PLPP7: variants seen among roughly 807,000 people sequenced by gnomAD.
The protein encoded by PLPP7 is inactive phospholipid phosphatase 7.
In PLPP7, 11 loss-of-function variants were observed where a neutral mutation model predicts 16.9. The ratio of observed to expected loss-of-function variants is 0.65; its 90% confidence interval spans 0.41 to 1.08. PLPP7 has a LOEUF of 1.08. PLPP7 is among the 50% of genes least tolerant of loss of function. PLPP7 has a pLI of 0.00. For synonymous variants in PLPP7, 174 were observed against 175.1 expected, an observed-to-expected ratio of 0.99 and a Z score of 0.05; for missense variants, 358 against 397.1, an observed-to-expected ratio of 0.90 and a Z score of 0.84.
At chr9:131,299,799 G>A (rs570185) in intron 1 of PLPP7, among the ~76,000 whole-genome samples, 101,877 of 152,084 alleles carry the variant, frequency 0.67, 34,996 homozygotes, top group Middle Eastern at 0.78. Flanking sequence ...CCTGACACAC[G>A]CCTGAAATAC....
intron 1 of PLPP7, among the ~76,000 whole-genome samples, chr9:131,299,492 C>T (rs1292815858): frequency 3.9e-5 from 6 of 152,062 alleles, no homozygotes; most frequent in Non-Finnish European, 2.9e-5. Flanking sequence ...GGCCTGGCTG[C>T]GCTGGAGGAG....
In PLPP7 at chr9:131,290,093, C is replaced by A; in HGVS notation, c.96C>A (p.Gly32=). The A allele has an allele frequency of 1.3e-6, 2 of 1,516,088 alleles. No homozygotes were observed. Among genetic ancestry groups the A allele is most frequent in the South Asian group, 1.3e-5 (1 of 76,352 alleles). 93.9% of individuals were successfully genotyped at this position (1,516,088 alleles called of 1,614,324 possible). A position where few individuals can be genotyped will look rare whatever the true frequency, so the allele number is the denominator to read the frequency against. ...CCCTGAACCAGCCCCCCAAGGGGGG[C>A]CCGGAGCCCCGCAGCTCGGGCAGAA... ...FLSLNQPPKG[G]PEPRSSGRKA... The change falls in exon 1 of 2, where the codon GGC becomes GGA. Residue 32 remains glycine, a synonymous_variant. Coordinates refer to ENST00000372264, the MANE Select transcript of PLPP7 (RefSeq NM_032728.4). This position sits in a 1 kb window ranked among gnomAD's most constrained non-coding sequence, Gnocchi z 4.2.
rs1014850189 is a variant in PLPP7 at position 131,289,867 on chromosome 9, A to G, written c.-131A>G. The G allele has an allele frequency of 1.4e-5, 10 of 695,510 alleles. No individual in the cohort carries two copies. The highest frequency in any genetic ancestry group is 6.6e-5 in the East Asian group (2 of 30,522). 43.1% of individuals were successfully genotyped at this position (695,510 alleles called of 1,614,324 possible). On this transcript the variant is annotated 5_prime_UTR_variant, in exon 1 of 2. Transcript: ENST00000372264. The stretch of plus-strand genomic sequence containing the variant: ...ACAGCCATGTGCAACTCTCCACACT[A>G]TATTTAACAGCTGCGGCGGAGAAGG...
rs1169973806 is a variant in PLPP7 at position 131,290,026 on chromosome 9, C to G, written c.29C>G (p.Ala10Gly). 2 of 1,437,844 alleles carry G rather than the reference C, an allele frequency of 1.4e-6. No homozygotes were observed. Among genetic ancestry groups the G allele is most frequent in the Admixed American group, 5.4e-5 (2 of 37,324 alleles). 89.1% of individuals were successfully genotyped at this position (1,437,844 alleles called of 1,614,324 possible). Reference protein sequence around the residue: MPASQSRARARDRNNVLNRA... With the variant: MPASQSRARGRDRNNVLNRA... ...CCAGCTTCCCAGAGCCGGGCCCGTG[C>G]CCGGGACCGCAACAACGTCCTCAAC... The change falls in exon 1 of 2, where the codon GCC (alanine) becomes GGC (glycine). Residue 10 changes from alanine to glycine, a missense_variant. Transcript: ENST00000372264. The surrounding 1 kb of genome is among the most constrained non-coding windows in gnomAD (Gnocchi z 4.2).
Position 131,290,176 on chromosome 9 carries a change from G to A in PLPP7, c.179G>A (p.Arg60His), listed in dbSNP as rs1198824993. The change falls in exon 1 of 2, where the codon CGC becomes CAC. Residue 60 changes from arginine to histidine, a missense_variant. By Grantham distance (29) the Arg-to-His change is conservative. Transcript: ENST00000372264. This position sits in a 1 kb window ranked among gnomAD's most constrained non-coding sequence, Gnocchi z 4.2. ...PPAGDGARER[R>H]QSQQLPEEDC... Reference sequence around the variant, plus strand: ...GCTGGTGACGGGGCCAGAGAGCGACGCCAGTCACAGCAGCTGCCAGAGGAG... The same window carrying A: ...GCTGGTGACGGGGCCAGAGAGCGACACCAGTCACAGCAGCTGCCAGAGGAG... 4.4e-6 allele frequency: 7 copies of A among 1,583,706 alleles called. No individual in the cohort carries two copies. The highest frequency in any genetic ancestry group is 5.2e-6 in the Non-Finnish European group (6 of 1,161,602).
chr9:131,296,684 C>T (rs1034081511), intron 1 of PLPP7, among the ~76,000 whole-genome samples: 1 of 152,188 alleles, frequency 6.6e-6, no homozygotes, highest in Non-Finnish European at 1.5e-5. Context: ...CTGGATTTTT[C>T]CCCGTGCGAA....
At chr9:131,305,466 A>T (rs1195607887) in intron 1 of PLPP7, among the ~76,000 whole-genome samples, 1 of 150,998 alleles carries the variant, frequency 6.6e-6, no homozygotes, top group African/African-American at 2.4e-5. Flanking sequence ...AGGGAGGAGG[A>T]TCTCTCGAGC....
chr9:131,290,133 T>C lies in PLPP7; in HGVS notation c.136T>C (p.Ser46Pro). Residue 46 changes from serine to proline, a missense_variant, in exon 1 of 2, where the codon TCA becomes CCA. Transcript: ENST00000372264. The surrounding 1 kb of genome is among the most constrained non-coding windows in gnomAD (Gnocchi z 4.2). ...CTCGGGCAGAAAGGCCTCGGGCCCA[T>C]CAGCACAGCCCCCACCTGCTGGTGA... Reference protein sequence around the residue: ...RSSGRKASGPSAQPPPAGDGA... With the variant: ...RSSGRKASGPPAQPPPAGDGA... 1 of 1,564,940 alleles carries C rather than the reference T, an allele frequency of 6.4e-7. No homozygotes were observed. Among genetic ancestry groups the C allele is most frequent in the Non-Finnish European group, 8.7e-7 (1 of 1,153,008 alleles).
chr9:131,291,335 G>A, intron 1 of PLPP7: 1 of 1,190,372 alleles, frequency 8.4e-7, no homozygotes, highest in Non-Finnish European at 1.1e-6. Context: ...GAGGTCTCAG[G>A]CAAGGCAAAC....
At chr9:131,306,543 AAAAAG>A (rs1835855454) in intron 1 of PLPP7, among the ~76,000 whole-genome samples, 1 of 152,200 alleles carries the variant, frequency 6.6e-6, no homozygotes, top group African/African-American at 2.4e-5. Context: ...TCTCAAAAAA[AAAAAG>A]AAAGAGAAGA....
At position 131,289,873 on chromosome 9, in the gene PLPP7, A is replaced by T; in HGVS notation, c.-125A>T. ...ATGTGCAACTCTCCACACTATATTT[A>T]ACAGCTGCGGCGGAGAAGGCAGGGA... is the stretch of plus-strand genomic sequence containing the variant. On this transcript the variant is annotated 5_prime_UTR_variant, in exon 1 of 2. An upstream open reading frame in the 5' UTR loses its in-frame stop. Transcript: ENST00000372264. The T allele has an allele frequency of 1.4e-6, 1 of 724,668 alleles. No individual in the cohort carries two copies. Among genetic ancestry groups the T allele is most frequent in the Non-Finnish European group, 2.0e-6 (1 of 496,392 alleles). The allele number at this position is 724,668 out of a possible 1,614,324, so 44.9% of individuals were successfully genotyped here. A position where few individuals can be genotyped will look rare whatever the true frequency, so the allele number is the denominator to read the frequency against.
At chr9:131,306,512 G>C (rs1201608265) in intron 1 of PLPP7, among the ~76,000 whole-genome samples, 1 of 151,720 alleles carries the variant, frequency 6.6e-6, no homozygotes, top group Non-Finnish European at 1.5e-5. Context: ...ACTCCAGCCT[G>C]GGCAACAGAA....
chr9:131,298,040 A>T (rs1215409223), intron 1 of PLPP7, among the ~76,000 whole-genome samples: 1 of 152,140 alleles, frequency 6.6e-6, no homozygotes, highest in Non-Finnish European at 1.5e-5. Context: ...AGATTAGGCC[A>T]CAGTTTGTCC....
At chr9:131,293,586 C>A (rs981772939) in intron 1 of PLPP7, among the ~76,000 whole-genome samples, 2 of 152,222 alleles carry the variant, frequency 1.3e-5, no homozygotes, top group South Asian at 2.1e-4. Flanking sequence ...ACTGAGCACA[C>A]GCTGCAGGTT....
At chr9:131,301,239 G>C (rs1315097291) in intron 1 of PLPP7, among the ~76,000 whole-genome samples, 7 of 152,120 alleles carry the variant, frequency 4.6e-5, no homozygotes, top group Non-Finnish European at 8.8e-5. Flanking sequence ...AGAGTGCTGG[G>C]CTTACGGGCA....
chr9:131,291,443 C>G (rs902573456), intron 1 of PLPP7: 52 of 1,123,124 alleles, frequency 4.6e-5, no homozygotes, highest in Non-Finnish European at 5.6e-5. Flanking sequence ...TCTCCCTGCT[C>G]TAGTCTCAGT....
chr9:131,306,013 G>A (rs930222193), intron 1 of PLPP7, among the ~76,000 whole-genome samples: 7 of 152,138 alleles, frequency 4.6e-5, no homozygotes, highest in African/African-American at 7.2e-5. Flanking sequence ...CAAGACGGGC[G>A]GATCGCGAGG....
At chr9:131,296,654 G>A (rs1489173114) in intron 1 of PLPP7, among the ~76,000 whole-genome samples, 3 of 152,216 alleles carry the variant, frequency 2.0e-5, no homozygotes, top group Non-Finnish European at 4.4e-5. Flanking sequence ...AGCCTCTGCC[G>A]CAGCTTGGGT....
chr9:131,294,351 T>C (rs910222109), intron 1 of PLPP7, among the ~76,000 whole-genome samples: 1 of 152,246 alleles, frequency 6.6e-6, no homozygotes, highest in African/African-American at 2.4e-5. Context: ...TTACTGATGT[T>C]GGTTAACGGT....
Sources: allele counts gnomAD v4.1 joint callset (sites outside exome capture counted in the v4.1 genomes callset), GRCh38; gene constraint gnomAD v4.1.1; non-coding constraint Gnocchi (gnomAD v3.1); transcripts MANE v1.5; gene names NCBI Gene and HGNC (gene_info 2026-07-23, HGNC 2026-07-21).